Variants in PTPRM observed in about 807,000 individuals in gnomAD.
PTPRM encodes the protein protein tyrosine phosphatase receptor type M.
PTPRM carries 47 observed loss-of-function variants against 186.7 expected under a neutral mutation model. That is an observed-to-expected ratio of 0.25 (90% CI 0.20 to 0.32). The LOEUF (loss-of-function observed/expected upper bound fraction) is 0.32. Among genes scored for constraint, PTPRM ranks in the 10% least tolerant of loss-of-function variants. The pLI, the probability that PTPRM is intolerant of heterozygous loss-of-function variation, is 1.00. For missense variants in PTPRM, 1,494 were observed against 1,865.0 expected (o/e 0.80, Z 3.66); for synonymous variants, 668 against 674.9 (o/e 0.99, Z 0.16).
chr18:7,711,610 GTCTGAAGTTGACA>G (rs2144784162), intron 1 of PTPRM, among the ~76,000 whole-genome samples: 1 of 152,340 alleles, frequency 6.6e-6, no homozygotes, highest in South Asian at 2.1e-4. Context: ...CAGGAGAGCA[GTCTGAAGTTGACA>G]TGGGACACTG....
intron 2 of PTPRM, among the ~76,000 whole-genome samples, chr18:7,850,101 T>C (rs955419835): frequency 7.2e-5 from 11 of 152,318 alleles, no homozygotes; most frequent in African/African-American, 2.4e-4. Flanking sequence ...TGAACTTAGG[T>C]GATCTTCAGA....
At chr18:8,026,266 G>A (rs2085565927) in intron 7 of PTPRM, among the ~76,000 whole-genome samples, 1 of 152,142 alleles carries the variant, frequency 6.6e-6, no homozygotes, top group Admixed American at 6.5e-5. Flanking sequence ...TTAGAGAAGT[G>A]GAAGCAGGTG....
intron 1 of PTPRM, among the ~76,000 whole-genome samples, chr18:7,695,984 T>A (rs1295081014): frequency 6.6e-6 from 1 of 152,238 alleles, no homozygotes; most frequent in Non-Finnish European, 1.5e-5. Flanking sequence ...ATTAATACTT[T>A]CAATATTCTA....
intron 19 of PTPRM, among the ~76,000 whole-genome samples, chr18:8,263,992 T>C (rs1470512351): frequency 6.6e-6 from 1 of 152,178 alleles, no homozygotes; most frequent in East Asian, 1.9e-4. Context: ...GATGACAGCC[T>C]ACTACTGGGG....
At chr18:8,334,705 T>G (rs1364767312) in intron 22 of PTPRM, among the ~76,000 whole-genome samples, 2 of 152,258 alleles carry the variant, frequency 1.3e-5, no homozygotes. Context: ...TTCTTTACTG[T>G]TCACATTCAA....
intron 1 of PTPRM, among the ~76,000 whole-genome samples, chr18:7,687,084 A>G (rs2039619884): frequency 2.6e-5 from 4 of 152,214 alleles, no homozygotes; most frequent in Admixed American, 2.6e-4. Flanking sequence ...CTAATCTTGT[A>G]ATAACATTTT....
intron 1 of PTPRM, among the ~76,000 whole-genome samples, chr18:7,685,832 T>C (rs1312695182): frequency 6.6e-6 from 1 of 152,070 alleles, no homozygotes; most frequent in Non-Finnish European, 1.5e-5. Context: ...TAAAATGGAG[T>C]CAATATCCAT....
chr18:8,044,073 C>T (rs978150141), intron 7 of PTPRM, among the ~76,000 whole-genome samples: 1 of 152,172 alleles, frequency 6.6e-6, no homozygotes, highest in Admixed American at 6.5e-5. Context: ...GGCAGGCACT[C>T]TCAGAGGGGC....
rs1345029677 is a variant in PTPRM, at chr18:7,666,892, A to C, written c.73+99001A>C. On this transcript the variant is annotated intron_variant, in intron 1 of 32. Coordinates refer to ENST00000580170, the MANE Select transcript of PTPRM (RefSeq NM_001105244.2). ...AGGTGGGAGGTATTAAGAGGAAGTC[A>C]AAAGCAGGGACTGATGATCTTATTT... 2.6e-5 allele frequency among the ~76,000 whole-genome samples: 4 copies of C among 152,298 alleles called. No individual in the cohort carries two copies. In the East Asian group the frequency reaches 7.7e-4, roughly 29 times the overall value.
At chr18:7,765,942 C>A (rs566075741) in intron 1 of PTPRM, among the ~76,000 whole-genome samples, 1 of 152,280 alleles carries the variant, frequency 6.6e-6, no homozygotes, top group South Asian at 2.1e-4. Flanking sequence ...GTATGTAAGT[C>A]AATTTAACCT....
At chr18:7,629,536 A>G (rs1438272848) in intron 1 of PTPRM, among the ~76,000 whole-genome samples, 1 of 152,232 alleles carries the variant, frequency 6.6e-6, no homozygotes, top group African/African-American at 2.4e-5. Flanking sequence ...TCACAAATGT[A>G]CAAAAGCCCT....
At chr18:7,720,025 C>T (rs1468319214) in intron 1 of PTPRM, among the ~76,000 whole-genome samples, 1 of 152,104 alleles carries the variant, frequency 6.6e-6, no homozygotes, top group Non-Finnish European at 1.5e-5. Context: ...TAGCAAGACC[C>T]CGTCTCTTAA....
At chr18:8,015,046 C>T (rs932438404) in intron 7 of PTPRM, among the ~76,000 whole-genome samples, 1 of 152,130 alleles carries the variant, frequency 6.6e-6, no homozygotes, top group Non-Finnish European at 1.5e-5. Context: ...GGAGTAGCCT[C>T]CTTTCAATAA....
chr18:7,785,565 A>G lies in PTPRM; in HGVS notation c.196+11294A>G, dbSNP rs142089005. Among the ~76,000 whole-genome samples the G allele has an allele frequency of 5.9e-5, 9 of 152,360 alleles. No homozygotes were observed. In the East Asian group the frequency reaches 1.7e-3, roughly 29 times the overall value. On this transcript the variant is annotated intron_variant, in intron 2 of 32. Transcript: ENST00000580170. ...TTTGAAGCTAAGCAAAATTTGCAGTATAAATGTGGGGCTACAAGAGACATT... is the reference window on the plus strand; with the variant it reads ...TTTGAAGCTAAGCAAAATTTGCAGTGTAAATGTGGGGCTACAAGAGACATT...
chr18:7,972,321 G>T (rs1361352378), intron 7 of PTPRM, among the ~76,000 whole-genome samples: 1 of 115,364 alleles, frequency 8.7e-6, no homozygotes, highest in Non-Finnish European at 1.7e-5. Context: ...TGGGGTAGGG[G>T]GAGGGGGGAG....
At chr18:7,690,970 A>G (rs963865378) in intron 1 of PTPRM, among the ~76,000 whole-genome samples, 3 of 152,202 alleles carry the variant, frequency 2.0e-5, no homozygotes, top group African/African-American at 7.2e-5. Context: ...GAAACATGCC[A>G]TTACAATAGA....
chr18:8,107,036 G>A (rs1181844070), intron 11 of PTPRM, among the ~76,000 whole-genome samples: 4 of 152,196 alleles, frequency 2.6e-5, no homozygotes, highest in African/African-American at 9.6e-5. Flanking sequence ...AAGCTATTTG[G>A]TGTGGCTTTG....
At chr18:7,799,373 G>A (rs2043835958) in intron 2 of PTPRM, among the ~76,000 whole-genome samples, 1 of 152,160 alleles carries the variant, frequency 6.6e-6, no homozygotes, top group African/African-American at 2.4e-5. Context: ...TCTAATATAT[G>A]AATTTTGGAG....
chr18:8,289,665 C>G lies in PTPRM; in HGVS notation c.2755-6703C>G, dbSNP rs2095020252. Among the ~76,000 whole-genome samples, 7 of 147,730 alleles carry G rather than the reference C, an allele frequency of 4.7e-5. No individual in the cohort carries two copies. The Admixed American group carries it at 4.8e-4, about 10-fold the overall frequency. ...ATATATATAGGCGGCAAACCTCAAT[C>G]CCATTATCAAAAGAGAAAGAGCTAT... On this transcript the variant is annotated intron_variant, in intron 19 of 32. Coordinates refer to ENST00000580170, the MANE Select transcript of PTPRM (RefSeq NM_001105244.2).
Sources: gnomAD v4.1 joint callset for allele counts (sites outside exome capture counted in the v4.1 genomes callset) on GRCh38, gnomAD v4.1.1 for gene constraint, MANE v1.5 for transcripts, NCBI Gene and HGNC (gene_info 2026-07-23, HGNC 2026-07-21) for gene names.